RANBP2: variants seen among roughly 807,000 people sequenced by gnomAD.
RANBP2 encodes E3 SUMO-protein ligase RanBP2.
RANBP2 carries 57 observed loss-of-function variants against 303.6 expected under a neutral mutation model. The observed-to-expected ratio is 0.19, with a 90% CI of 0.15 to 0.23. The LOEUF (loss-of-function observed/expected upper bound fraction) is 0.23, where lower values mean the gene tolerates loss of function less well. RANBP2 is among the 10% of genes least tolerant of loss of function. RANBP2 has a pLI of 1.00. For missense variants in RANBP2, 3,138 were observed against 3,780.8 expected (o/e 0.83, Z 4.46); for synonymous variants, 1,167 against 1,301.5 (o/e 0.90, Z 2.23).
chr2:108,846,700 A>G, the RANBP2 span: 10 of 1,538,012 alleles, frequency 6.5e-6, no homozygotes, highest in Non-Finnish European at 8.8e-6. Flanking sequence ...TATTCTGAAC[A>G]TGAATAAATA....
At chr2:109,396,841 C>A in the RANBP2 span, among the ~76,000 whole-genome samples, 2 of 152,252 alleles carry the variant, frequency 1.3e-5, no homozygotes, top group Admixed American at 6.5e-5. Flanking sequence ...AGGTAGCCTG[C>A]ACTTCCATAG....
chr2:108,994,827 TA>T, the RANBP2 span, among the ~76,000 whole-genome samples: 175 of 4,782 alleles, frequency 0.037, no homozygotes, highest in African/African-American at 0.11. Context: ...TATATATATA[TA>T]TCTTTTTTTT....
the RANBP2 span, chr2:109,544,605 G>T: frequency 1.0e-6 from 1 of 953,010 alleles, no homozygotes; most frequent in African/African-American, 1.8e-5. Flanking sequence ...TTTCATATAG[G>T]GGAAAAAATG....
the RANBP2 span, among the ~76,000 whole-genome samples, chr2:109,650,363 G>A: frequency 6.6e-6 from 1 of 152,230 alleles, no homozygotes; most frequent in Non-Finnish European, 1.5e-5. Context: ...AAAAGTGGAG[G>A]TGAAGCCAGG....
chr2:109,070,519 G>A, the RANBP2 span, among the ~76,000 whole-genome samples: 1 of 152,094 alleles, frequency 6.6e-6, no homozygotes, highest in Non-Finnish European at 1.5e-5. Context: ...CATCTTGGTG[G>A]TGAGTGAGTT....
chr2:108,861,283 T>A, the RANBP2 span, among the ~76,000 whole-genome samples: 1 of 152,100 alleles, frequency 6.6e-6, no homozygotes, highest in South Asian at 2.1e-4. Context: ...AAAACACTTT[T>A]TCATTTCGTC....
intron 1 of RANBP2, among the ~76,000 whole-genome samples, chr2:108,724,768 A>G (rs1694556132): frequency 6.6e-6 from 1 of 151,612 alleles, no homozygotes; most frequent in Non-Finnish European, 1.5e-5. Flanking sequence ...AGATTGGGGA[A>G]CTCATGGTTC....
chr2:108,972,368 C>G, the RANBP2 span, among the ~76,000 whole-genome samples: 2 of 152,224 alleles, frequency 1.3e-5, no homozygotes, highest in African/African-American at 4.8e-5. Flanking sequence ...AGGGGCAGGG[C>G]ACTGCATGGT....
chr2:109,348,824 C>T, the RANBP2 span, among the ~76,000 whole-genome samples: 2 of 152,262 alleles, frequency 1.3e-5, no homozygotes, highest in East Asian at 1.9e-4. Flanking sequence ...ACCTGCTCCC[C>T]GCCGCCCCCA....
chr2:109,526,105 C>T, the RANBP2 span, among the ~76,000 whole-genome samples: 1 of 152,114 alleles, frequency 6.6e-6, no homozygotes, highest in Admixed American at 6.5e-5. Flanking sequence ...AATCAGGGCA[C>T]AGTAAGCACC....
At chr2:109,438,940 G>A in the RANBP2 span, among the ~76,000 whole-genome samples, 1 of 152,172 alleles carries the variant, frequency 6.6e-6, no homozygotes, top group African/African-American at 2.4e-5. Context: ...GTTTCCACAT[G>A]CACCAGCACT....
chr2:109,522,144 G>A, the RANBP2 span, among the ~76,000 whole-genome samples: 4 of 152,114 alleles, frequency 2.6e-5, no homozygotes, highest in Non-Finnish European at 5.9e-5. Flanking sequence ...GTTGAGATCA[G>A]TCCAAAGTTC....
At chr2:109,597,683 T>C in the RANBP2 span, among the ~76,000 whole-genome samples, 1 of 152,112 alleles carries the variant, frequency 6.6e-6, no homozygotes, top group Non-Finnish European at 1.5e-5. Flanking sequence ...AAAGGAAAAA[T>C]CCCATACAGT....
intron 7 of RANBP2, among the ~76,000 whole-genome samples, chr2:108,743,748 T>C (rs1461042102): frequency 6.6e-6 from 1 of 152,184 alleles, no homozygotes; most frequent in Non-Finnish European, 1.5e-5. Flanking sequence ...TGTGCCTCAA[T>C]GTGGGTGTGC....
At chr2:109,042,877 A>G in the RANBP2 span, among the ~76,000 whole-genome samples, 5 of 152,212 alleles carry the variant, frequency 3.3e-5, no homozygotes, top group Non-Finnish European at 7.3e-5. Flanking sequence ...ATGAATTTCT[A>G]ATGTATTATT....
the RANBP2 span, among the ~76,000 whole-genome samples, chr2:109,430,817 A>G: frequency 2.0e-5 from 3 of 152,134 alleles, no homozygotes; most frequent in Non-Finnish European, 4.4e-5. Flanking sequence ...AGTTGGTCCT[A>G]ATTTCACTGT....
At chr2:109,707,667 C>T in the RANBP2 span, among the ~76,000 whole-genome samples, 137 of 152,288 alleles carry the variant, frequency 9.0e-4, no homozygotes, top group Middle Eastern at 3.4e-3. Flanking sequence ...GGACAGCATC[C>T]GCCTGTTCTG....
At chr2:109,567,787 CAG>C in the RANBP2 span, 2 of 1,524,548 alleles carry the variant, frequency 1.3e-6, no homozygotes, top group East Asian at 2.3e-5. Flanking sequence ...ACATGGAAAA[CAG>C]AATTAACATT....
the RANBP2 span, among the ~76,000 whole-genome samples, chr2:109,653,015 C>T: frequency 5.6e-4 from 86 of 152,266 alleles, no homozygotes; most frequent in Non-Finnish European, 9.1e-4. Flanking sequence ...TTTGTGTTTA[C>T]TAAGGCAGCT....
Sources: allele counts gnomAD v4.1 joint callset (sites outside exome capture counted in the v4.1 genomes callset), GRCh38; gene constraint gnomAD v4.1.1; transcripts MANE v1.5; gene names NCBI Gene and HGNC (gene_info 2026-07-23, HGNC 2026-07-21).